AFF1: variants seen among roughly 807,000 people sequenced by gnomAD.
AFF1 encodes the protein AF4/FMR2 family member 1.
In AFF1, 48 loss-of-function variants were observed where a neutral mutation model predicts 121.7. The observed-to-expected ratio is 0.39, with a 90% confidence interval of 0.31 to 0.50. The LOEUF is 0.50. AFF1 is among the 20% of genes least tolerant of loss of function. The pLI is 0.76. For synonymous variants in AFF1, 613 were observed against 563.0 expected (o/e 1.09, Z -1.26); for missense variants, 1,523 against 1,511.7 (o/e 1.01, Z -0.12).
intron 2 of AFF1, among the ~76,000 whole-genome samples, chr4:86,974,399 C>T (rs999542919): frequency 2.6e-5 from 4 of 152,278 alleles, no homozygotes; most frequent in African/African-American, 7.2e-5. Flanking sequence ...GCGCCTGCCT[C>T]GGTCTCCCAA....
intron 5 of AFF1, among the ~76,000 whole-genome samples, chr4:87,084,754 A>G (rs1234576703): frequency 2.6e-5 from 4 of 152,202 alleles, no homozygotes; most frequent in Non-Finnish European, 2.9e-5. Context: ...ATTGAAGTCT[A>G]CAAACTGCAA....
intron 2 of AFF1, among the ~76,000 whole-genome samples, chr4:86,983,548 AAAAT>A (rs1041529697): frequency 2.6e-5 from 4 of 151,794 alleles, no homozygotes; most frequent in African/African-American, 9.7e-5. Flanking sequence ...AAAAAATTAA[AAAAT>A]AAAAATACTA....
At chr4:86,935,283 C>A (rs1490621312) in intron 1 of AFF1, 43 bp downstream of exon 1, 2 of 152,464 alleles carry the variant, frequency 1.3e-5, no homozygotes, top group African/African-American at 2.4e-5. Flanking sequence ...GGTCGATCCG[C>A]CCGGCCCCCG....
At chr4:87,010,090 T>A (rs1726583021) in intron 2 of AFF1, among the ~76,000 whole-genome samples, 1 of 152,230 alleles carries the variant, frequency 6.6e-6, no homozygotes, top group African/African-American at 2.4e-5. Flanking sequence ...TCCCACATTT[T>A]AGTCTCCCCT....
chr4:86,982,216 A>ATCT (rs1723805351), intron 2 of AFF1, among the ~76,000 whole-genome samples: 1 of 152,032 alleles, frequency 6.6e-6, no homozygotes, highest in Non-Finnish European at 1.5e-5. Flanking sequence ...GTATTAGAGA[A>ATCT]ACTTGCAGAG....
intron 14 of AFF1, 59 bp downstream of exon 14, chr4:87,126,395 C>T (rs1469925019): frequency 6.6e-7 from 1 of 1,508,356 alleles, no homozygotes; most frequent in South Asian, 1.1e-5. Context: ...CTTTACGTTC[C>T]CAAAGAAGAC....
At chr4:87,051,243 TGGC>T (rs1270057983) in intron 4 of AFF1, among the ~76,000 whole-genome samples, 1 of 152,156 alleles carries the variant, frequency 6.6e-6, no homozygotes, top group Non-Finnish European at 1.5e-5. Flanking sequence ...TGCTGTTTGG[TGGC>T]AGCATTGGTG....
chr4:87,121,835 T>C (rs994561769), intron 12 of AFF1, among the ~76,000 whole-genome samples: 1 of 152,224 alleles, frequency 6.6e-6, no homozygotes, highest in African/African-American at 2.4e-5. Flanking sequence ...AGTCACCGAT[T>C]GGCACAGCCA....
intron 4 of AFF1, among the ~76,000 whole-genome samples, chr4:87,072,776 C>G (rs1471940140): frequency 6.6e-6 from 1 of 152,178 alleles, no homozygotes; most frequent in Non-Finnish European, 1.5e-5. Flanking sequence ...AGTGATCTGC[C>G]TGCCCTCGGT....
intron 2 of AFF1, among the ~76,000 whole-genome samples, chr4:87,030,651 C>CT (rs36017297): frequency 1.7e-4 from 26 of 148,848 alleles, no homozygotes; most frequent in African/African-American, 3.0e-4. Flanking sequence ...TTACACTGAG[C>CT]TTTTTTTTTT....
At chr4:87,037,070 A>C (rs1371165888) in intron 2 of AFF1, among the ~76,000 whole-genome samples, 1 of 152,056 alleles carries the variant, frequency 6.6e-6, no homozygotes, top group Non-Finnish European at 1.5e-5. Context: ...TCAGAACCCA[A>C]AATCAGTTTT....
chr4:87,072,958 TG>T (rs1191569147), intron 4 of AFF1, among the ~76,000 whole-genome samples: 15 of 152,284 alleles, frequency 9.9e-5, no homozygotes, highest in South Asian at 8.3e-4. Flanking sequence ...TGAGTCTTGC[TG>T]GAAGTCTGAT....
chr4:87,039,668 T>C (rs1718535192), intron 2 of AFF1, among the ~76,000 whole-genome samples: 1 of 152,200 alleles, frequency 6.6e-6, no homozygotes. Flanking sequence ...CTTGATGAAT[T>C]CTGTAGAGAT....
chr4:87,038,295 T>C lies in AFF1; in HGVS notation c.39-7871T>C, dbSNP rs143044782. The stretch of plus-strand genomic sequence containing the variant: ...ATGAGAAAGTCTCTTACAAATTCTT[T>C]CACATGGATGGAGAGACGAAAAAAA... On this transcript the variant is annotated intron_variant, in intron 2 of 20. Transcript: ENST00000395146. Among the ~76,000 whole-genome samples the C allele has an allele frequency of 2.6e-3, 392 of 152,306 alleles. 5 individuals are homozygous for C. Among genetic ancestry groups the C allele is most frequent in the African/African-American group, 8.2e-3 (342 of 41,562 alleles).
At chr4:87,096,901 C>G (rs1724927053) in intron 8 of AFF1, among the ~76,000 whole-genome samples, 1 of 152,200 alleles carries the variant, frequency 6.6e-6, no homozygotes. Context: ...CACCACCACA[C>G]TTCCTTTATG....
At chr4:87,063,063 G>T (rs2149657775) in intron 4 of AFF1, among the ~76,000 whole-genome samples, 1 of 152,156 alleles carries the variant, frequency 6.6e-6, no homozygotes, top group African/African-American at 2.4e-5. Flanking sequence ...AATAGCAATG[G>T]TAGACAGTTC....
chr4:87,116,065 G>A (rs189855257), intron 12 of AFF1, among the ~76,000 whole-genome samples: 9 of 152,082 alleles, frequency 5.9e-5, no homozygotes, highest in Non-Finnish European at 1.0e-4. Context: ...CTCATAGTAG[G>A]ATCTTTTATA....
At chr4:86,951,615 C>CTTTTTTTTTTTTTTTTTTTTTTTTT (rs748093135) in intron 2 of AFF1, among the ~76,000 whole-genome samples, 6 of 124,944 alleles carry the variant, frequency 4.8e-5, no homozygotes, top group South Asian at 2.3e-4. Context: ...TTTCTTTTTT[C>CTTTTTTTTTTTTTTTTTTTTTTTTT]TTTTTTTCTT....
intron 8 of AFF1, among the ~76,000 whole-genome samples, chr4:87,098,769 T>A (rs559071008): frequency 5.3e-5 from 8 of 152,184 alleles, no homozygotes; most frequent in Non-Finnish European, 8.8e-5. Context: ...TATTTATTAC[T>A]TATGTGGAAG....
Sources: allele counts gnomAD v4.1 joint callset (sites outside exome capture counted in the v4.1 genomes callset), GRCh38; gene constraint gnomAD v4.1.1; transcripts MANE v1.5; gene names NCBI Gene and HGNC (gene_info 2026-07-23, HGNC 2026-07-21).